KRR1: variants seen among roughly 807,000 people sequenced by gnomAD.
KRR1 encodes the protein KRR1 small subunit processome component homolog.
In KRR1, 23 loss-of-function variants were observed where a neutral mutation model predicts 50.0. That is an observed-to-expected ratio of 0.46 (90% confidence interval 0.33 to 0.65). KRR1 has a LOEUF of 0.65. KRR1 is among the 30% of genes least tolerant of loss of function. The probability of loss-of-function intolerance (pLI) is 0.02; values close to 1 mark genes in which losing one functional copy is unlikely to be tolerated. For synonymous variants in KRR1, 133 were observed against 146.3 expected, an observed-to-expected ratio of 0.91 and a Z score of 0.66; for missense variants, 419 against 442.4, an observed-to-expected ratio of 0.95 and a Z score of 0.47.
intron 7 of KRR1, chr12:75,502,789 T>C (rs1028003524): frequency 2.0e-5 from 3 of 151,986 alleles, no homozygotes; most frequent in African/African-American, 7.2e-5. Flanking sequence ...AGAAGAAAGA[T>C]AAGTCAATTA....
At position 75,495,610 on chromosome 12, in the gene KRR1, A is replaced by G. The variant is rs562658998; in HGVS notation, c.*4199T>C. ...ACCCAACTTGGCCATATAAGAGAGG[A>G]GCCACCTGCAGTGCCTGCCCCAATA... is the stretch of plus-strand genomic sequence containing the variant. On this transcript the variant is annotated 3_prime_UTR_variant, in exon 10 of 10. Coordinates refer to ENST00000229214, the MANE Select transcript of KRR1 (RefSeq NM_007043.7). 1.2e-6 allele frequency: 2 copies of G among 1,611,180 alleles called. No individual in the cohort carries two copies. The highest frequency in any genetic ancestry group is 1.3e-5 in the African/African-American group (1 of 74,970).
rs1352148909 is a variant in KRR1 at position 75,495,649 on chromosome 12, G to A, written c.*4160C>T. On this transcript the variant is annotated 3_prime_UTR_variant, in exon 10 of 10. Transcript: ENST00000229214. ...CCTGCCCCAATAATGACAAGTGTTT[G>A]GACAATCTCTGTGGTGAGTAAAAGG... 1 of 1,603,058 alleles carries A rather than the reference G, an allele frequency of 6.2e-7. No homozygotes were observed. Among genetic ancestry groups the A allele is most frequent in the Non-Finnish European group, 8.5e-7 (1 of 1,170,190 alleles).
intron 2 of KRR1, 27 bp downstream of exon 2, chr12:75,508,247 A>C: frequency 6.5e-7 from 1 of 1,536,120 alleles, no homozygotes. Context: ...AGTCTCAAAT[A>C]AATGTATTGA....
intron 1 of KRR1, among the ~76,000 whole-genome samples, chr12:75,509,249 G>A (rs944314401): frequency 1.3e-5 from 2 of 152,114 alleles, no homozygotes; most frequent in African/African-American, 2.4e-5. Flanking sequence ...ATGATCCATA[G>A]ACTTGCAGTA....
intron 7 of KRR1, 45 bp from the exon 8 acceptor site, chr12:75,502,045 G>C: frequency 6.8e-7 from 1 of 1,472,826 alleles, no homozygotes; most frequent in South Asian, 1.1e-5. Flanking sequence ...TAATGTAGAG[G>C]AGAAGTCATG....
rs763042419 is a variant in KRR1, at chr12:75,511,594, C to G, written c.4G>C (p.Ala2Pro). 6.8e-6 allele frequency: 11 copies of G among 1,613,906 alleles called. No individual in the cohort carries two copies. In the East Asian group the frequency reaches 2.5e-4, roughly 36 times the overall value. Residue 2 changes from alanine (A) to proline (P), a missense_variant, in exon 1 of 10, where the codon GCG becomes CCG. Physicochemically the swap from Ala to Pro is conservative, Grantham distance 27. Transcript: ENST00000229214. ...TCTGGCCGCTCCAGCGAGGGAGACG[C>G]CATTTGCAAGCTGCTTCCGGTGGCT... MASPSLERPEKG... is the reference protein window; with the variant it reads MPSPSLERPEKG...
chr12:75,505,309 G>A lies in KRR1; in HGVS notation c.604-55C>T, dbSNP rs2046417006. The A allele has an allele frequency of 2.6e-6, 4 of 1,519,708 alleles. No individual in the cohort carries two copies. In the South Asian group the frequency reaches 3.6e-5, roughly 14 times the overall value. The allele number at this position is 1,519,708 out of a possible 1,614,324, so 94.1% of individuals were successfully genotyped here. ...CACAAGGATTTTAATGAGCTATGGA[G>A]AAGAGGATTAATACTGCAAAAATCA... On this transcript the variant is annotated intron_variant, in intron 5 of 9. Transcript: ENST00000229214.
intron 1 of KRR1, among the ~76,000 whole-genome samples, chr12:75,510,896 G>A (rs1000972255): frequency 7.9e-5 from 12 of 152,106 alleles, no homozygotes; most frequent in Admixed American, 6.6e-4. Context: ...CAGATCCCCA[G>A]GCTATTTATG....
Position 75,491,211 on chromosome 12 carries a change from T to C in KRR1, c.*8598A>G, listed in dbSNP as rs1451275538. The C allele has an allele frequency of 6.6e-6, 1 of 152,230 alleles. No homozygotes were observed. The highest frequency in any genetic ancestry group is 1.5e-5 in the Non-Finnish European group (1 of 68,036). The allele number at this position is 152,230 out of a possible 1,614,324, so 9.4% of individuals were successfully genotyped here. On this transcript the variant is annotated 3_prime_UTR_variant, in exon 10 of 10. Coordinates refer to ENST00000229214, the MANE Select transcript of KRR1 (RefSeq NM_007043.7). The stretch of plus-strand genomic sequence containing the variant: ...ATAATGCTTACAATGCTCTCAGCAC[T>C]GTTAAAGTGCTTCACATATATTAAC...
chr12:75,499,046 A>G lies in KRR1; in HGVS notation c.*763T>C. 1.0e-6 allele frequency: 1 copy of G among 979,504 alleles called. No homozygotes were observed. The allele number at this position is 979,504 out of a possible 1,614,324, so 60.7% of individuals were successfully genotyped here. A position where few individuals can be genotyped will look rare whatever the true frequency, so the allele number is the denominator to read the frequency against. ...CATATGGCTTTTTTTTTAACCAATA[A>G]CAATTAGGTGTACTTCTATTTTAAA... is the stretch of plus-strand genomic sequence containing the variant. On this transcript the variant is annotated 3_prime_UTR_variant, in exon 10 of 10. Coordinates refer to ENST00000229214, the MANE Select transcript of KRR1 (RefSeq NM_007043.7).
Position 75,498,418 on chromosome 12 carries a change from C to T in KRR1, c.*1391G>A. ...ATTTTTATTTTTTAAATTTTATTACCTGCTAGGTATGATGTGTAAAATGAT... is the reference window on the plus strand; with the variant it reads ...ATTTTTATTTTTTAAATTTTATTACTTGCTAGGTATGATGTGTAAAATGAT... On this transcript the variant is annotated 3_prime_UTR_variant, in exon 10 of 10. Coordinates refer to ENST00000229214, the MANE Select transcript of KRR1 (RefSeq NM_007043.7). The T allele has an allele frequency of 1.4e-5, 4 of 281,210 alleles. No homozygotes were observed. Among genetic ancestry groups the T allele is most frequent in the South Asian group, 1.3e-4 (1 of 7,822 alleles). The allele number at this position is 281,210 out of a possible 1,614,324, so 17.4% of individuals were successfully genotyped here. A position where few individuals can be genotyped will look rare whatever the true frequency, so the allele number is the denominator to read the frequency against.
At position 75,499,979 on chromosome 12, in the gene KRR1, T is replaced by TAATA. The variant is rs772093516; in HGVS notation, c.1004-32_1004-29dup. On this transcript the variant is annotated intron_variant, in intron 9 of 9. Transcript: ENST00000229214. ...AGACAAATTAAAAGCACAACACATG[T>TAATA]AATACTTTAGATTTTACCAAGTAAA... The TAATA allele has an allele frequency of 2.6e-6, 4 of 1,552,302 alleles. No individual in the cohort carries two copies. In the African/African-American group the frequency reaches 4.2e-5, roughly 16 times the overall value.
intron 1 of KRR1, among the ~76,000 whole-genome samples, chr12:75,510,391 T>C (rs1040637165): frequency 5.3e-5 from 8 of 152,054 alleles, no homozygotes; most frequent in African/African-American, 1.2e-4. Flanking sequence ...TGTCCACCGA[T>C]AGTAAAATGA....
At position 75,509,226 on chromosome 12, in the gene KRR1, T is replaced by C. The variant is rs544405221; in HGVS notation, c.86-780A>G. 7.9e-5 allele frequency among the ~76,000 whole-genome samples: 12 copies of C among 152,318 alleles called. No individual in the cohort carries two copies. The East Asian group carries it at 2.3e-3, about 29-fold the overall frequency. ...TTCAATAGCTATACTCTAATTCAGT[T>C]ATACTCAAAGGTATGATCCATAGAC... is the stretch of plus-strand genomic sequence containing the variant. On this transcript the variant is annotated intron_variant, in intron 1 of 9. Transcript: ENST00000229214.
chr12:75,503,914 G>A lies in KRR1; in HGVS notation c.821C>T (p.Pro274Leu). 2 of 1,607,174 alleles carry A rather than the reference G, an allele frequency of 1.2e-6. No individual in the cohort carries two copies. The highest frequency in any genetic ancestry group is 1.7e-6 in the Non-Finnish European group (2 of 1,176,354). Residue 274 changes from proline (P) to leucine (L), a missense_variant, in exon 7 of 10, where the codon CCA (proline) becomes CTA (leucine). Pro to Leu is a moderately conservative substitution (Grantham distance 98). Coordinates refer to ENST00000229214, the MANE Select transcript of KRR1 (RefSeq NM_007043.7). Reference sequence around the variant, plus strand: ...ACATTTAGTACTAACCTGACTTTCTGGTTGTGGTGGTGGGAATGGCGTATA... The same window carrying A: ...ACATTTAGTACTAACCTGACTTTCTAGTTGTGGTGGTGGGAATGGCGTATA... Reference protein sequence around the residue: ...KEYTPFPPPQPESQIDKELAS... With the variant: ...KEYTPFPPPQLESQIDKELAS...
chr12:75,500,023 A>G, intron 9 of KRR1, 72 bp from the exon 10 acceptor site: 1 of 1,215,738 alleles, frequency 8.2e-7, no homozygotes, highest in Non-Finnish European at 1.1e-6. Context: ...TATATGTTTA[A>G]CAAAGAATAT....
rs2046431899 is a variant in KRR1 at position 75,508,326 on chromosome 12, T to TC, written c.205dup (p.Glu69GlyfsTer17). ...TGGCCAACACTCTTTCAAGTAAGCTTCCCTGTATTTTGGGAACAAAGTTGC... is the reference window on the plus strand; with the variant it reads ...TGGCCAACACTCTTTCAAGTAAGCTTCCCCTGTATTTTGGGAACAAAGTTGC... On this transcript the variant is annotated frameshift_variant, in exon 2 of 10. Coordinates refer to ENST00000229214, the MANE Select transcript of KRR1 (RefSeq NM_007043.7). LOFTEE classifies it high-confidence loss of function. 6.2e-7 allele frequency: 1 copy of TC among 1,613,720 alleles called. No homozygotes were observed. The highest frequency in any genetic ancestry group is 1.7e-5 in the Admixed American group (1 of 59,938).
Position 75,495,450 on chromosome 12 carries a change from A to G in KRR1, c.*4359T>C. The G allele has an allele frequency of 1.7e-6, 1 of 599,470 alleles. No individual in the cohort carries two copies. The allele number at this position is 599,470 out of a possible 1,614,324, so 37.1% of individuals were successfully genotyped here. On this transcript the variant is annotated 3_prime_UTR_variant, in exon 10 of 10. Transcript: ENST00000229214. ...TTTCTGCCTTCCTGTCTTCACTTCT[A>G]TTACCAACTCTCTGGACCTTTGTAC...
intron 5 of KRR1, 104 bp from the exon 6 acceptor site, chr12:75,505,358 A>C: frequency 2.7e-6 from 3 of 1,120,606 alleles, no homozygotes; most frequent in Non-Finnish European, 3.7e-6. Flanking sequence ...AAATTAAATA[A>C]TGTAATTAAA....
Sources: gnomAD v4.1 joint callset for allele counts (sites outside exome capture counted in the v4.1 genomes callset) on GRCh38, gnomAD v4.1.1 for gene constraint, MANE v1.5 for transcripts, NCBI Gene and HGNC (gene_info 2026-07-23, HGNC 2026-07-21) for gene names.